Variants in VIPAS39 observed in about 807,000 individuals in gnomAD.
The protein encoded by VIPAS39 is spermatogenesis-defective protein 39 homolog.
In VIPAS39, 63 loss-of-function variants were observed where a neutral mutation model predicts 84.7. That is an observed-to-expected ratio of 0.74 (90% CI 0.61 to 0.92). The LOEUF is 0.92. Ranked by LOEUF, VIPAS39 falls within the 40% of genes least tolerant of loss-of-function variation. The pLI is 0.00. For missense variants in VIPAS39, 499 were observed against 604.5 expected (o/e 0.83, Z 1.83); for synonymous variants, 192 against 216.5 (o/e 0.89, Z 0.99).
chr14:77,440,723 A>G (rs988609957), intron 11 of VIPAS39, among the ~76,000 whole-genome samples: 1 of 152,072 alleles, frequency 6.6e-6, no homozygotes, highest in African/African-American at 2.4e-5. Context: ...TTTGGCTTAG[A>G]TTTCTGGGTT....
intron 4 of VIPAS39, 23 bp from the exon 5 acceptor site, chr14:77,449,775 G>A: frequency 6.2e-7 from 1 of 1,613,956 alleles, no homozygotes; most frequent in South Asian, 1.1e-5. Context: ...AACACAAGAG[G>A]GAAAAGGTCA....
At chr14:77,454,888 C>A (rs1363919571) in intron 1 of VIPAS39, among the ~76,000 whole-genome samples, 1 of 152,104 alleles carries the variant, frequency 6.6e-6, no homozygotes, top group African/African-American at 2.4e-5. Context: ...TATTGAGCAC[C>A]ATCTCTGAGG....
Position 77,433,849 on chromosome 14 carries a change from G to A in VIPAS39, c.1172C>T (p.Thr391Ile). Residue 391 changes from threonine to isoleucine, a missense_variant, in exon 16 of 20, where the codon ACC (threonine) becomes ATC (isoleucine). Physicochemically the swap from Thr to Ile is moderately conservative, Grantham distance 89. Transcript: ENST00000557658. ...RAWNDVDALF[T>I]TKNWLGYTKK... ...CAGGGGCAGGGCACACACCTTTGTG[G>A]TGAATAGGGCATCTACATCATTCCA... is the stretch of plus-strand genomic sequence containing the variant. 6.2e-7 allele frequency: 1 copy of A among 1,613,922 alleles called. No individual in the cohort carries two copies. Among genetic ancestry groups the A allele is most frequent in the Non-Finnish European group, 8.5e-7 (1 of 1,179,908 alleles).
chr14:77,447,665 T>A (rs1566735469), intron 7 of VIPAS39, among the ~76,000 whole-genome samples: 1 of 152,130 alleles, frequency 6.6e-6, no homozygotes, highest in Non-Finnish European at 1.5e-5. Context: ...CTCACTCTCT[T>A]TTTTTGGGCA....
intron 4 of VIPAS39, among the ~76,000 whole-genome samples, chr14:77,450,024 C>T (rs1299998249): frequency 2.0e-5 from 3 of 152,192 alleles, no homozygotes; most frequent in Non-Finnish European, 4.4e-5. Context: ...TACATTCACA[C>T]TGTTGTACAA....
intron 12 of VIPAS39, 59 bp from the exon 13 acceptor site, chr14:77,435,978 C>G: frequency 6.4e-7 from 1 of 1,573,058 alleles, no homozygotes; most frequent in Non-Finnish European, 8.7e-7. Flanking sequence ...ACAAACCCAA[C>G]TAAACCAAAT....
chr14:77,454,007 T>C lies in VIPAS39; in HGVS notation c.93+3A>G. ...AGAGTACAAACTTCAGCAGTTGACC[T>C]ACCTGTGAAAGCTCATCGTCTTCAT... On this transcript the variant is annotated splice_donor_region_variant and intron_variant, in intron 2 of 19. Coordinates refer to ENST00000557658, the MANE Select transcript of VIPAS39 (RefSeq NM_001193315.2). The C allele has an allele frequency of 6.2e-7, 1 of 1,614,122 alleles. No homozygotes were observed. Among genetic ancestry groups the C allele is most frequent in the Non-Finnish European group, 8.5e-7 (1 of 1,179,964 alleles).
rs1026561625 is a variant in VIPAS39 at position 77,449,757 on chromosome 14, A to C, written c.344-5T>G. On this transcript the variant is annotated splice_region_variant and splice_polypyrimidine_tract_variant and intron_variant, in intron 4 of 19. Coordinates refer to ENST00000557658, the MANE Select transcript of VIPAS39 (RefSeq NM_001193315.2). ...AACTTCCAGGTCTAGTTCTACCTAA[A>C]GGTAAAGAACACAAGAGGGAAAAGG... The C allele has an allele frequency of 6.2e-7, 1 of 1,614,204 alleles. No individual in the cohort carries two copies. Among genetic ancestry groups the C allele is most frequent in the Non-Finnish European group, 8.5e-7 (1 of 1,180,024 alleles).
intron 7 of VIPAS39, among the ~76,000 whole-genome samples, chr14:77,446,139 T>C (rs982651348): frequency 9.9e-5 from 15 of 152,176 alleles, no homozygotes; most frequent in African/African-American, 3.4e-4. Context: ...TTTTGTGTCC[T>C]AGGTAATAAA....
At position 77,435,923 on chromosome 14, in the gene VIPAS39, G is replaced by A; in HGVS notation, c.837-4C>T. The A allele has an allele frequency of 6.2e-7, 1 of 1,613,934 alleles. No individual in the cohort carries two copies. On this transcript the variant is annotated splice_region_variant and splice_polypyrimidine_tract_variant and intron_variant, in intron 12 of 19. Coordinates refer to ENST00000557658, the MANE Select transcript of VIPAS39 (RefSeq NM_001193315.2). ...ATCTTCTGCTGAAAATGGCAAACTG[G>A]TAGAGTGCCAGAAGGTTAGTACCTT...
chr14:77,428,307 G>A, intron 19 of VIPAS39, 63 bp downstream of exon 19: 1 of 1,430,190 alleles, frequency 7.0e-7, no homozygotes, highest in South Asian at 1.2e-5. Context: ...ACATACATTT[G>A]GTACTATTTT....
chr14:77,435,064 C>T lies in VIPAS39; in HGVS notation c.1047+195G>A, dbSNP rs146415146. On this transcript the variant is annotated intron_variant, in intron 14 of 19. Coordinates refer to ENST00000557658, the MANE Select transcript of VIPAS39 (RefSeq NM_001193315.2). ...TAGCATGCCAGCTCACTTGAAGCTA[C>T]AAACCTTACAAACCTCTTTTCCCTC... 2.3e-3 allele frequency: 1,686 copies of T among 741,960 alleles called. 17 individuals carry two copies. Among genetic ancestry groups the T allele is most frequent in the Admixed American group, 0.022 (855 of 39,080 alleles). The allele number at this position is 741,960 out of a possible 1,614,324, so 46.0% of individuals were successfully genotyped here. A position where few individuals can be genotyped will look rare whatever the true frequency, so the allele number is the denominator to read the frequency against.
At position 77,428,351 on chromosome 14, in the gene VIPAS39, G is replaced by A. The variant is rs150958425; in HGVS notation, c.1461+19C>T. Reference sequence around the variant, plus strand: ...TCTGTCTCCTGAGCCTGCTGGAGGGGTGAACTGTAGCTGCTCACCGAGCTG... The same window carrying A: ...TCTGTCTCCTGAGCCTGCTGGAGGGATGAACTGTAGCTGCTCACCGAGCTG... On this transcript the variant is annotated intron_variant, in intron 19 of 19. Coordinates refer to ENST00000557658, the MANE Select transcript of VIPAS39 (RefSeq NM_001193315.2). 7.5e-6 allele frequency: 12 copies of A among 1,607,760 alleles called. No individual in the cohort carries two copies. The highest frequency in any genetic ancestry group is 1.0e-5 in the Non-Finnish European group (12 of 1,174,576).
intron 16 of VIPAS39, among the ~76,000 whole-genome samples, chr14:77,431,566 C>T (rs904509705): frequency 2.6e-5 from 4 of 152,042 alleles, no homozygotes; most frequent in Admixed American, 1.3e-4. Flanking sequence ...TGTACCCTGT[C>T]GGTGGGAATG....
intron 12 of VIPAS39, 98 bp downstream of exon 12, chr14:77,437,710 C>G: frequency 7.9e-7 from 1 of 1,263,088 alleles, no homozygotes. Flanking sequence ...CATTGTTAGC[C>G]CTCCCCTTCC....
At position 77,438,250 on chromosome 14, in the gene VIPAS39, C is replaced by T. The variant is rs182814954; in HGVS notation, c.763-369G>A. 7.6e-3 allele frequency among the ~76,000 whole-genome samples: 1,027 copies of T among 135,914 alleles called. 19 individuals carry two copies. The highest frequency in any genetic ancestry group is 0.051 in the Middle Eastern group (10 of 198). 89.2% of individuals were successfully genotyped at this position (135,914 alleles called of 152,430 possible). The stretch of plus-strand genomic sequence containing the variant: ...AATTTTTTTTTTTTTTTTTTTGAGA[C>T]GAAGTCTCACTCTTGTTGCCCAGGC... On this transcript the variant is annotated intron_variant, in intron 11 of 19. Transcript: ENST00000557658.
At chr14:77,445,037 C>T (rs1258612161) in intron 7 of VIPAS39, among the ~76,000 whole-genome samples, 3 of 151,642 alleles carry the variant, frequency 2.0e-5, no homozygotes, top group African/African-American at 7.3e-5. Flanking sequence ...TGGCTCACTG[C>T]AAGCCCCGCT....
In VIPAS39 at chr14:77,427,142, G is replaced by A. The variant is rs2078443976; in HGVS notation, c.*474C>T. On this transcript the variant is annotated 3_prime_UTR_variant, in exon 20 of 20. Transcript: ENST00000557658. ...CAGTCTGGTGTGAGTGCATCTCCAGGAGGTCTTGGGAAACACTGGCATTCC... is the reference window on the plus strand; with the variant it reads ...CAGTCTGGTGTGAGTGCATCTCCAGAAGGTCTTGGGAAACACTGGCATTCC... 1.0e-5 allele frequency: 2 copies of A among 191,692 alleles called. 1 individual carries two copies. The highest frequency in any genetic ancestry group is 2.1e-4 in the South Asian group (2 of 9,342). 11.9% of individuals were successfully genotyped at this position (191,692 alleles called of 1,614,324 possible).
intron 1 of VIPAS39, among the ~76,000 whole-genome samples, chr14:77,454,429 C>T (rs373731674): frequency 6.6e-6 from 1 of 152,162 alleles, no homozygotes; most frequent in South Asian, 2.1e-4. Flanking sequence ...AATCCCAGCA[C>T]TTTGGGAGGC....
Sources: allele counts gnomAD v4.1 joint callset (sites outside exome capture counted in the v4.1 genomes callset), GRCh38; gene constraint gnomAD v4.1.1; transcripts MANE v1.5; gene names NCBI Gene and HGNC (gene_info 2026-07-23, HGNC 2026-07-21).